ZNF676: variants seen among roughly 807,000 people sequenced by gnomAD.
The protein encoded by ZNF676 is zinc finger protein 676.
In ZNF676, 4 loss-of-function variants were observed where a neutral mutation model predicts 6.0. The observed-to-expected ratio is 0.67, with a 90% confidence interval of 0.33 to 1.53. ZNF676 has a LOEUF of 1.53. Among genes scored for constraint, ZNF676 ranks in the 40% most tolerant of loss-of-function variants. The pLI is 0.06. For synonymous variants in ZNF676, 198 were observed against 223.1 expected (o/e 0.89, Z 1.00); for missense variants, 644 against 679.7 (o/e 0.95, Z 0.58).
intron 2 of ZNF676, among the ~76,000 whole-genome samples, chr19:22,191,056 C>T (rs1432748100): frequency 6.6e-6 from 1 of 152,134 alleles, no homozygotes; most frequent in African/African-American, 2.4e-5. Context: ...TCATGGTTAA[C>T]ATCTGTAATG....
chr19:22,223,679 T>A, the ZNF676 span, among the ~76,000 whole-genome samples: 2 of 152,108 alleles, frequency 1.3e-5, no homozygotes, highest in East Asian at 3.9e-4. Flanking sequence ...AGGCATTCCT[T>A]ATTTACTAAA....
chr19:22,254,775 A>C, the ZNF676 span, among the ~76,000 whole-genome samples: 1 of 152,150 alleles, frequency 6.6e-6, no homozygotes, highest in Non-Finnish European at 1.5e-5. Context: ...AAGTAGAGGA[A>C]AGTCACTTCC....
intron 2 of ZNF676, among the ~76,000 whole-genome samples, chr19:22,188,794 A>G (rs547120461): frequency 8.5e-5 from 13 of 152,280 alleles, no homozygotes; most frequent in African/African-American, 2.9e-4. Flanking sequence ...TACAACTTAC[A>G]AGGGATGTGA....
At chr19:22,198,353 A>G (rs543820320), upstream of ZNF676, among the ~76,000 whole-genome samples, 5 of 152,192 alleles carry the variant, frequency 3.3e-5, no homozygotes, top group Non-Finnish European at 7.3e-5. Flanking sequence ...TATATTTTTC[A>G]GAGACTTTGA....
chr19:22,190,668 T>TATAAAC (rs1233210246), intron 2 of ZNF676, among the ~76,000 whole-genome samples: 1 of 93,774 alleles, frequency 1.1e-5, no homozygotes. Flanking sequence ...TATATATACA[T>TATAAAC]ACACACTTTA....
At chr19:22,210,076 G>A (rs933338007) in intron 1 of ZNF676, among the ~76,000 whole-genome samples, 34 of 152,124 alleles carry the variant, frequency 2.2e-4, no homozygotes, top group African/African-American at 8.0e-4. Flanking sequence ...TGTCACCCTG[G>A]GAGGAGACCT....
At chr19:22,216,393 C>A (rs1264444808), upstream of ZNF676, among the ~76,000 whole-genome samples, 1 of 152,082 alleles carries the variant, frequency 6.6e-6, no homozygotes, top group Non-Finnish European at 1.5e-5. Flanking sequence ...CAGGATCAAG[C>A]CATTGCACTG....
chr19:22,195,300 C>T (rs1364364114), intron 1 of ZNF676, among the ~76,000 whole-genome samples: 6 of 152,098 alleles, frequency 3.9e-5, no homozygotes, highest in Non-Finnish European at 7.4e-5. Flanking sequence ...GCCGATGTGT[C>T]AGTAATACCC....
the ZNF676 span, among the ~76,000 whole-genome samples, chr19:22,259,078 T>C: frequency 3.3e-5 from 5 of 152,102 alleles, no homozygotes; most frequent in Non-Finnish European, 7.4e-5. Context: ...GCTGGGTCAA[T>C]GTTGCAGCAG....
At chr19:22,259,086 C>T in the ZNF676 span, among the ~76,000 whole-genome samples, 1 of 152,150 alleles carries the variant, frequency 6.6e-6, no homozygotes, top group South Asian at 2.1e-4. Flanking sequence ...AATGTTGCAG[C>T]AGACCTGTAC....
chr19:22,209,974 TAGTGGGTGTTTGTG>T (rs989838981), intron 1 of ZNF676, among the ~76,000 whole-genome samples: 12 of 152,144 alleles, frequency 7.9e-5, no homozygotes, highest in Non-Finnish European at 1.3e-4. Flanking sequence ...CATCAATGTC[TAGTGGGTGTTTGTG>T]AGTGGGTGGA....
upstream of ZNF676, among the ~76,000 whole-genome samples, chr19:22,198,344 A>G (rs1220810686): frequency 1.3e-5 from 2 of 152,198 alleles, no homozygotes; most frequent in African/African-American, 2.4e-5. Context: ...AGAAAAAAAT[A>G]TATTTTTCAG....
upstream of ZNF676, among the ~76,000 whole-genome samples, chr19:22,216,308 G>C (rs1227103815): frequency 6.6e-6 from 1 of 151,932 alleles, no homozygotes; most frequent in Non-Finnish European, 1.5e-5. Flanking sequence ...GGTGGTGGGC[G>C]CCTGTAATCC....
upstream of ZNF676, among the ~76,000 whole-genome samples, chr19:22,201,199 G>A (rs939750566): frequency 6.6e-6 from 1 of 152,154 alleles, no homozygotes; most frequent in Non-Finnish European, 1.5e-5. Context: ...TATAGTTGTG[G>A]TGTGGCTCTG....
chr19:22,185,761 T>C (rs1291467226), intron 2 of ZNF676, among the ~76,000 whole-genome samples: 1 of 152,098 alleles, frequency 6.6e-6, no homozygotes, highest in Non-Finnish European at 1.5e-5. Flanking sequence ...GCTGAATCGA[T>C]AATGCAGAAG....
chr19:22,214,616 AAAT>A (rs2024164588), intron 1 of ZNF676, among the ~76,000 whole-genome samples: 1 of 151,434 alleles, frequency 6.6e-6, no homozygotes, highest in African/African-American at 2.4e-5. Flanking sequence ...AAAAAAAAAA[AAAT>A]CTAATTCAAA....
chr19:22,184,031 C>T (rs540306564), intron 2 of ZNF676, among the ~76,000 whole-genome samples: 107 of 152,244 alleles, frequency 7.0e-4, no homozygotes, highest in Non-Finnish European at 1.3e-3. Flanking sequence ...TTATACCACA[C>T]TTTCGGTAAT....
chr19:22,179,794 T>C lies in ZNF676; in HGVS notation c.*156A>G. On this transcript the variant is annotated 3_prime_UTR_variant, in exon 3 of 3. Coordinates refer to ENST00000397121, the MANE Select transcript of ZNF676 (RefSeq NM_001001411.3). ...ACATTCTTCACGTTTGTAGTGTTTC[T>C]CTCCAGCATGAATTTTCTTATGTGT... 2.2e-6 allele frequency: 2 copies of C among 916,378 alleles called. No homozygotes were observed. Among genetic ancestry groups the C allele is most frequent in the Non-Finnish European group, 3.5e-6 (2 of 569,290 alleles). 56.8% of individuals were successfully genotyped at this position (916,378 alleles called of 1,614,324 possible).
chr19:22,228,076 C>T, the ZNF676 span, among the ~76,000 whole-genome samples: 32 of 152,270 alleles, frequency 2.1e-4, no homozygotes, highest in East Asian at 5.4e-3. Context: ...GGCCAATATC[C>T]CTGATGAACA....
Sources: gnomAD v4.1 joint callset for allele counts (sites outside exome capture counted in the v4.1 genomes callset) on GRCh38, gnomAD v4.1.1 for gene constraint, MANE v1.5 for transcripts, NCBI Gene and HGNC (gene_info 2026-07-23, HGNC 2026-07-21) for gene names.